ROR2: variants seen among roughly 807,000 people sequenced by gnomAD.
ROR2 encodes ROR family WNT receptor 2.
A neutral mutation model predicts 74.9 loss-of-function variants in ROR2; 33 were observed. The observed-to-expected ratio is 0.44, with a 90% confidence interval of 0.33 to 0.59. The LOEUF (loss-of-function observed/expected upper bound fraction) is 0.59, where lower values mean the gene tolerates loss of function less well. Ranked by LOEUF, ROR2 falls within the 20% of genes least tolerant of loss-of-function variation. The pLI is 0.02. For synonymous variants in ROR2, 586 were observed against 558.7 expected (o/e 1.05, Z -0.69); for missense variants, 1,216 against 1,313.8 (o/e 0.93, Z 1.15).
At chr9:91,760,405 G>A (rs1030139279) in intron 2 of ROR2, among the ~76,000 whole-genome samples, 9 of 152,164 alleles carry the variant, frequency 5.9e-5, no homozygotes, top group East Asian at 1.9e-4. Context: ...AGGCCGAAGC[G>A]AGTGGATCAT....
chr9:91,876,899 T>TCA (rs1159018147), intron 1 of ROR2, among the ~76,000 whole-genome samples: 1 of 151,820 alleles, frequency 6.6e-6, no homozygotes, highest in Non-Finnish European at 1.5e-5. Flanking sequence ...ACGAAGAGCA[T>TCA]CACCAAGCTG....
chr9:91,780,233 C>T (rs1217482109), intron 1 of ROR2, among the ~76,000 whole-genome samples: 3 of 151,900 alleles, frequency 2.0e-5, no homozygotes, highest in African/African-American at 7.3e-5. Context: ...AAAAATTAGC[C>T]GGGCATGGTG....
intron 1 of ROR2, among the ~76,000 whole-genome samples, chr9:91,819,013 A>G (rs80331497): frequency 0.019 from 2,824 of 152,286 alleles, 97 homozygotes; most frequent in East Asian, 0.15. Context: ...CGGTCCCCAC[A>G]GCTCTGTCCG....
At chr9:91,948,698 T>A in intron 1 of ROR2, 3 of 985,526 alleles carry the variant, frequency 3.0e-6, no homozygotes, top group Non-Finnish European at 3.6e-6. Context: ...AGCCTGCGAC[T>A]GTCCCGATTC....
At chr9:91,936,275 AAAC>A (rs1409421785) in intron 1 of ROR2, among the ~76,000 whole-genome samples, 6 of 152,228 alleles carry the variant, frequency 3.9e-5, no homozygotes, top group Non-Finnish European at 8.8e-5. Context: ...TGGGCAGCTT[AAAC>A]AACAAGAATT....
At chr9:91,938,549 G>T (rs1185959375) in intron 1 of ROR2, among the ~76,000 whole-genome samples, 1 of 152,204 alleles carries the variant, frequency 6.6e-6, no homozygotes, top group Non-Finnish European at 1.5e-5. Context: ...TTGAGCCCAG[G>T]AGGTGGAGGC....
At chr9:91,778,978 A>G (rs1022084332) in intron 1 of ROR2, among the ~76,000 whole-genome samples, 1 of 152,222 alleles carries the variant, frequency 6.6e-6, no homozygotes, top group African/African-American at 2.4e-5. Context: ...TTCAATATCT[A>G]GTTTTATCCA....
At chr9:91,946,864 G>C (rs576248566) in intron 1 of ROR2, among the ~76,000 whole-genome samples, 2 of 152,192 alleles carry the variant, frequency 1.3e-5, no homozygotes, top group African/African-American at 2.4e-5. Context: ...CTACCTGTCA[G>C]ATGAGCTGTT....
chr9:91,753,303 T>C (rs1825645758), intron 4 of ROR2, among the ~76,000 whole-genome samples: 1 of 152,140 alleles, frequency 6.6e-6, no homozygotes, highest in African/African-American at 2.4e-5. Flanking sequence ...AAGTGGCAAT[T>C]GACAAAGAGG....
intron 1 of ROR2, among the ~76,000 whole-genome samples, chr9:91,844,646 G>A (rs989338832): frequency 2.0e-5 from 3 of 152,164 alleles, no homozygotes; most frequent in African/African-American, 2.4e-5. Flanking sequence ...CTGCAGCCCC[G>A]GATGGGCCCC....
chr9:91,786,451 T>C (rs1484954435), intron 1 of ROR2, among the ~76,000 whole-genome samples: 2 of 152,144 alleles, frequency 1.3e-5, no homozygotes, highest in African/African-American at 2.4e-5. Flanking sequence ...TGCTCTCTGC[T>C]GACACCAACA....
chr9:91,859,215 T>TA (rs1184995250), intron 1 of ROR2, among the ~76,000 whole-genome samples: 1 of 115,780 alleles, frequency 8.6e-6, no homozygotes, highest in East Asian at 3.0e-4. Flanking sequence ...TTTTTTTTTT[T>TA]TTTTGAGACA....
At chr9:91,781,665 C>A (rs1826623355) in intron 1 of ROR2, among the ~76,000 whole-genome samples, 1 of 152,146 alleles carries the variant, frequency 6.6e-6, no homozygotes, top group Admixed American at 6.5e-5. Context: ...TGGTAGTGGT[C>A]TTAACAGTCT....
At chr9:91,761,449 T>A (rs907345674) in intron 2 of ROR2, among the ~76,000 whole-genome samples, 2 of 152,178 alleles carry the variant, frequency 1.3e-5, no homozygotes, top group South Asian at 2.1e-4. Flanking sequence ...CAGTGACAGA[T>A]AATCAGGCAT....
At chr9:91,852,640 CA>C (rs1287252602) in intron 1 of ROR2, among the ~76,000 whole-genome samples, 5 of 151,368 alleles carry the variant, frequency 3.3e-5, no homozygotes, top group Non-Finnish European at 5.9e-5. Context: ...CACACACACA[CA>C]CACACACACC....
intron 1 of ROR2, among the ~76,000 whole-genome samples, chr9:91,944,662 G>A (rs1015529616): frequency 1.2e-4 from 18 of 152,134 alleles, no homozygotes; most frequent in African/African-American, 4.1e-4. Context: ...AACTTAAGAG[G>A]CAAAAGACTC....
chr9:91,886,640 A>C (rs1003357661), intron 1 of ROR2: 3 of 152,084 alleles, frequency 2.0e-5, no homozygotes, highest in African/African-American at 7.2e-5. Flanking sequence ...ATCCCTGACC[A>C]CACCGCCTCT....
chr9:91,743,600 C>T (rs982226501), intron 4 of ROR2, among the ~76,000 whole-genome samples: 4 of 151,798 alleles, frequency 2.6e-5, no homozygotes, highest in East Asian at 1.9e-4. Flanking sequence ...AAGAAAAATA[C>T]GATAAGGACA....
At chr9:91,820,046 G>A (rs1447148320) in intron 1 of ROR2, among the ~76,000 whole-genome samples, 2 of 152,208 alleles carry the variant, frequency 1.3e-5, no homozygotes, top group African/African-American at 4.8e-5. Flanking sequence ...GGGGCAGTAA[G>A]AAGGTCGGGA....
Sources: gnomAD v4.1 joint callset for allele counts (sites outside exome capture counted in the v4.1 genomes callset) on GRCh38, gnomAD v4.1.1 for gene constraint, MANE v1.5 for transcripts, NCBI Gene and HGNC (gene_info 2026-07-23, HGNC 2026-07-21) for gene names.